The following STX17 variants were observed in gnomAD, a reference collection of about 807,000 sequenced individuals.
STX17 encodes syntaxin-17.
In STX17, 29 loss-of-function variants were observed where a neutral mutation model predicts 35.9. That is an observed-to-expected ratio of 0.81 (90% CI 0.60 to 1.10). The LOEUF is 1.10. STX17 is among the 50% of genes least tolerant of loss of function. The pLI, the probability that STX17 is intolerant of heterozygous loss-of-function variation, is 0.00. For synonymous variants in STX17, 92 were observed against 118.3 expected, an observed-to-expected ratio of 0.78 and a Z score of 1.44; for missense variants, 312 against 352.3, an observed-to-expected ratio of 0.89 and a Z score of 0.92.
chr9:99,943,680 G>A (rs538789187), intron 3 of STX17, among the ~76,000 whole-genome samples: 8 of 152,124 alleles, frequency 5.3e-5, no homozygotes, highest in African/African-American at 7.2e-5. Flanking sequence ...ATATTTTATT[G>A]TTTTATCTTT....
rs919007181 is a variant in STX17 at position 99,974,127 on chromosome 9, CAG to C, written c.*5455_*5456del. On this transcript the variant is annotated 3_prime_UTR_variant, in exon 8 of 8. Transcript: ENST00000259400. ...AATTTCTTAACCTTCAAAACAATGT[CAG>C]TGTTGTCACCTGTGCATTTGATAGC... Among the ~76,000 whole-genome samples, 5 of 152,178 alleles carry C rather than the reference CAG, an allele frequency of 3.3e-5. No homozygotes were observed. Among genetic ancestry groups the C allele is most frequent in the African/African-American group, 1.2e-4 (5 of 41,434 alleles).
At chr9:99,935,073 G>C in intron 3 of STX17, among the ~76,000 whole-genome samples, 1 of 152,008 alleles carries the variant, frequency 6.6e-6, no homozygotes, top group East Asian at 1.9e-4. Flanking sequence ...GCTCACACCT[G>C]TAATCCCAGC....
intron 3 of STX17, among the ~76,000 whole-genome samples, chr9:99,933,468 T>C (rs1160330211): frequency 1.3e-5 from 2 of 152,194 alleles, no homozygotes; most frequent in Non-Finnish European, 2.9e-5. Flanking sequence ...CACAGTCTTG[T>C]TGGGAAGTTG....
chr9:99,930,940 A>G (rs1377164678), intron 3 of STX17, among the ~76,000 whole-genome samples: 8 of 152,080 alleles, frequency 5.3e-5, no homozygotes, highest in Admixed American at 5.2e-4. Context: ...TTAAAAAGCT[A>G]GTATCATATA....
At chr9:99,924,822 G>T (rs1828957368) in intron 2 of STX17, among the ~76,000 whole-genome samples, 2 of 151,850 alleles carry the variant, frequency 1.3e-5, no homozygotes, top group South Asian at 4.2e-4. Flanking sequence ...AGTTGAGTAA[G>T]AATGGTGAGA....
intron 6 of STX17, among the ~76,000 whole-genome samples, chr9:99,961,090 G>A (rs1829818542): frequency 6.6e-6 from 1 of 152,042 alleles, no homozygotes; most frequent in South Asian, 2.1e-4. Context: ...AAGGTACCAT[G>A]GGCAAGCAAG....
chr9:99,952,143 C>A (rs1225631136), intron 4 of STX17, among the ~76,000 whole-genome samples: 1 of 151,994 alleles, frequency 6.6e-6, no homozygotes, highest in East Asian at 1.9e-4. Flanking sequence ...TACCTTTAAT[C>A]CTTACGGAAA....
At chr9:99,937,198 T>C (rs1829254226) in intron 3 of STX17, among the ~76,000 whole-genome samples, 1 of 152,230 alleles carries the variant, frequency 6.6e-6, no homozygotes, top group African/African-American at 2.4e-5. Context: ...CTTTAATCTC[T>C]GGTTTTGGGC....
At position 99,965,052 on chromosome 9, in the gene STX17, C is replaced by G. The variant is rs570299428; in HGVS notation, c.583-2601C>G. ...TTATTCCCACACCCCAGCCCCATAT[C>G]TTAGCATGCTTTCTGATGGCATGAA... On this transcript the variant is annotated intron_variant, in intron 6 of 7. Transcript: ENST00000259400. 4.6e-5 allele frequency among the ~76,000 whole-genome samples: 7 copies of G among 152,198 alleles called. No homozygotes were observed. In the East Asian group the frequency reaches 1.2e-3, roughly 25 times the overall value.
chr9:99,945,590 G>T (rs986011269), intron 3 of STX17: 5 of 168,418 alleles, frequency 3.0e-5, no homozygotes, highest in African/African-American at 7.2e-5. Flanking sequence ...TGTAATTATC[G>T]ATATATTTAG....
chr9:99,971,882 G>A lies in STX17; in HGVS notation c.*3209G>A, dbSNP rs936521687. 4.6e-5 allele frequency among the ~76,000 whole-genome samples: 7 copies of A among 152,068 alleles called. No individual in the cohort carries two copies. ...ATGAAAAAAATTAAGAATTAGCTGG[G>A]TGTGGCATAGCACACACCTGTGGTC... On this transcript the variant is annotated 3_prime_UTR_variant, in exon 8 of 8. Transcript: ENST00000259400.
intron 4 of STX17, among the ~76,000 whole-genome samples, chr9:99,958,376 T>G (rs1819579968): frequency 6.6e-6 from 1 of 152,220 alleles, no homozygotes; most frequent in South Asian, 2.1e-4. Flanking sequence ...TTACAGTTCT[T>G]ATTAGACTAT....
At chr9:99,907,169 G>C (rs895218699) in intron 1 of STX17, 1 of 152,388 alleles carries the variant, frequency 6.6e-6, no homozygotes, top group Non-Finnish European at 1.5e-5. Flanking sequence ...GACTGGGAGC[G>C]AGAGGCCGGA....
At chr9:99,911,946 G>T (rs1828674187) in intron 1 of STX17, among the ~76,000 whole-genome samples, 1 of 152,126 alleles carries the variant, frequency 6.6e-6, no homozygotes, top group Admixed American at 6.5e-5. Flanking sequence ...CCTCTTTCTC[G>T]CCAGGCGTCG....
rs915644087 is a variant in STX17, at chr9:99,973,812, C to T, written c.*5139C>T. 7.9e-5 allele frequency among the ~76,000 whole-genome samples: 12 copies of T among 152,124 alleles called. No homozygotes were observed. The highest frequency in any genetic ancestry group is 4.1e-4 in the South Asian group (2 of 4,826). On this transcript the variant is annotated 3_prime_UTR_variant, in exon 8 of 8. Coordinates refer to ENST00000259400, the MANE Select transcript of STX17 (RefSeq NM_017919.3). ...TTCCCACTGAATACCAAATAAAGTT[C>T]GAATCCCTTAGATTGGCATTCACAG...
At chr9:99,964,789 G>GT (rs1336784128) in intron 6 of STX17, among the ~76,000 whole-genome samples, 2 of 152,152 alleles carry the variant, frequency 1.3e-5, no homozygotes, top group East Asian at 3.8e-4. Context: ...ATTCAGCTCT[G>GT]TATGGAGTCT....
intron 2 of STX17, among the ~76,000 whole-genome samples, chr9:99,922,109 T>C (rs1828901813): frequency 1.3e-5 from 2 of 152,182 alleles, no homozygotes; most frequent in Admixed American, 6.5e-5. Flanking sequence ...CAGTCAGATA[T>C]AAACACACCA....
chr9:99,968,046 C>A (rs947170219), intron 7 of STX17, among the ~76,000 whole-genome samples: 4 of 152,148 alleles, frequency 2.6e-5, no homozygotes, highest in Admixed American at 2.6e-4. Context: ...TGGAGTGGGA[C>A]CATCTATTTT....
chr9:99,916,648 A>T (rs1265761306), intron 2 of STX17, among the ~76,000 whole-genome samples: 6 of 152,120 alleles, frequency 3.9e-5, no homozygotes, highest in African/African-American at 1.4e-4. Flanking sequence ...AGAATATTAA[A>T]ATGAAAAGTT....
Sources: gnomAD v4.1 joint callset for allele counts (sites outside exome capture counted in the v4.1 genomes callset) on GRCh38, gnomAD v4.1.1 for gene constraint, MANE v1.5 for transcripts, NCBI Gene and HGNC (gene_info 2026-07-23, HGNC 2026-07-21) for gene names.